NPFFR1: variants seen among roughly 807,000 people sequenced by gnomAD.
NPFFR1 encodes neuropeptide FF receptor 1, also known as G-protein coupled receptor 147.
NPFFR1 carries 17 observed loss-of-function variants against 12.7 expected under a neutral mutation model. The observed-to-expected ratio is 1.34, with a 90% CI of 0.92 to 2.01. The LOEUF is 2.01. NPFFR1 is among the 30% of genes most tolerant of loss of function. The pLI, the probability that NPFFR1 is intolerant of heterozygous loss-of-function variation, is 0.00. For synonymous variants in NPFFR1, 296 were observed against 264.5 expected, an observed-to-expected ratio of 1.12 and a Z score of -1.16; for missense variants, 604 against 606.5, an observed-to-expected ratio of 1.00 and a Z score of 0.04.
rs1840523651 is a variant in NPFFR1, at chr10:70,252,734, TG to T, written c.*2222del. On this transcript the variant is annotated 3_prime_UTR_variant, in exon 4 of 4. Coordinates refer to ENST00000277942, the MANE Select transcript of NPFFR1 (RefSeq NM_022146.5). The stretch of plus-strand genomic sequence containing the variant: ...TTCAGCGAGAGCTGAAGGAGTTTTT[TG>T]GGCAGTTATAACCTTTCAAAGCATG... 1 of 152,218 alleles carries T rather than the reference TG, an allele frequency of 6.6e-6. No individual in the cohort carries two copies. The highest frequency in any genetic ancestry group is 1.5e-5 in the Non-Finnish European group (1 of 68,036). 9.4% of individuals were successfully genotyped at this position (152,218 alleles called of 1,614,324 possible).
Position 70,255,799 on chromosome 10 carries a change from C to G in NPFFR1, c.451G>C (p.Glu151Gln). Residue 151 changes from glutamate (E) to glutamine (Q), a missense_variant, in exon 4 of 4, where the codon GAG becomes CAG. By Grantham distance (29) the Glu-to-Gln change is conservative (BLOSUM62 2). Coordinates refer to ENST00000277942, the MANE Select transcript of NPFFR1 (RefSeq NM_022146.5). The surrounding 1 kb of genome is among the most constrained non-coding windows in gnomAD (Gnocchi z 4.2). ...RFRCIVHPFR[E>Q]KLTLRKALVT... Reference sequence around the variant, plus strand: ...AGCGCCTTCCGCAGGGTCAGCTTCTCGCGGAAAGGGTGCACGATGCAGCGG... The same window carrying G: ...AGCGCCTTCCGCAGGGTCAGCTTCTGGCGGAAAGGGTGCACGATGCAGCGG... 6.2e-7 allele frequency: 1 copy of G among 1,610,252 alleles called. No individual in the cohort carries two copies. Among genetic ancestry groups the G allele is most frequent in the Non-Finnish European group, 8.5e-7 (1 of 1,178,454 alleles).
At chr10:70,269,932 A>G (rs992679388) in intron 1 of NPFFR1, among the ~76,000 whole-genome samples, 1 of 151,782 alleles carries the variant, frequency 6.6e-6, no homozygotes, top group South Asian at 2.1e-4. Context: ...CTCCTCACGC[A>G]CTCCTGCTTC....
At chr10:70,262,151 C>G (rs953925028) in intron 2 of NPFFR1, among the ~76,000 whole-genome samples, 6 of 152,168 alleles carry the variant, frequency 3.9e-5, no homozygotes, top group African/African-American at 9.7e-5. Context: ...TGATGCCTCT[C>G]TGAGTATATC....
chr10:70,278,416 T>C (rs1840826409), intron 1 of NPFFR1, among the ~76,000 whole-genome samples: 1 of 151,772 alleles, frequency 6.6e-6, no homozygotes. Flanking sequence ...TTCACTTACA[T>C]GTACCTTTCA....
rs1040771756 is a variant in NPFFR1, at chr10:70,255,492, C to T, written c.758G>A (p.Gly253Asp). The change falls in exon 4 of 4, where the codon GGC (glycine) becomes GAC (aspartate). Residue 253 changes from glycine to aspartate, a missense_variant. Physicochemically the swap from Gly to Asp is moderately conservative, Grantham distance 94. Transcript: ENST00000277942. This position sits in a 1 kb window ranked among gnomAD's most constrained non-coding sequence, Gnocchi z 4.2. ...TGCTCGCGGGTCCGCAGCCTCCTCGCCCCCGGGGGCCGGGCCCGGGGCCTG... is the reference window on the plus strand; with the variant it reads ...TGCTCGCGGGTCCGCAGCCTCCTCGTCCCCGGGGGCCGGGCCCGGGGCCTG... Reference protein sequence around the residue: ...LCQAPGPAPGGEEAADPRASR... With the variant: ...LCQAPGPAPGDEEAADPRASR... 22 of 1,547,466 alleles carry T rather than the reference C, an allele frequency of 1.4e-5. No individual in the cohort carries two copies. Among genetic ancestry groups the T allele is most frequent in the Non-Finnish European group, 1.7e-5 (19 of 1,145,342 alleles).
Position 70,248,103 on chromosome 10 carries a change from C to T in NPFFR1, c.*6854G>A, listed in dbSNP as rs1840467573. The T allele has an allele frequency of 6.6e-6, 1 of 152,126 alleles. No individual in the cohort carries two copies. Among genetic ancestry groups the T allele is most frequent in the Admixed American group, 6.6e-5 (1 of 15,262 alleles). 9.4% of individuals were successfully genotyped at this position (152,126 alleles called of 1,614,324 possible). ...TCTTTTACTCTGAACCTCAGTTTCC[C>T]AGATGTAGGAAGGAGAGACCACAGC... On this transcript the variant is annotated 3_prime_UTR_variant, in exon 4 of 4. Transcript: ENST00000277942.
intron 1 of NPFFR1, among the ~76,000 whole-genome samples, chr10:70,280,316 T>C (rs1334493080): frequency 2.0e-5 from 3 of 152,238 alleles, no homozygotes; most frequent in African/African-American, 7.2e-5. Flanking sequence ...TTCTCCATAA[T>C]GACTGTGCAA....
At chr10:70,280,875 G>A (rs1428733172) in intron 1 of NPFFR1, among the ~76,000 whole-genome samples, 1 of 152,138 alleles carries the variant, frequency 6.6e-6, no homozygotes, top group Non-Finnish European at 1.5e-5. Flanking sequence ...GATGGCACAT[G>A]CCTGTAATCC....
intron 2 of NPFFR1, among the ~76,000 whole-genome samples, chr10:70,260,982 T>A (rs1234390621): frequency 6.6e-6 from 1 of 152,104 alleles, no homozygotes; most frequent in Admixed American, 6.5e-5. Flanking sequence ...GACCCCCAAG[T>A]ATTCCAAAAT....
rs1840537738 is a variant in NPFFR1, at chr10:70,254,052, C to T, written c.*905G>A. ...TTGGGCAAGGCTTTGTACCTGCAGCCCCAGTGAGCAGATGTGTTTCCCAAT... is the reference window on the plus strand; with the variant it reads ...TTGGGCAAGGCTTTGTACCTGCAGCTCCAGTGAGCAGATGTGTTTCCCAAT... On this transcript the variant is annotated 3_prime_UTR_variant, in exon 4 of 4. Transcript: ENST00000277942. 1 of 152,102 alleles carries T rather than the reference C, an allele frequency of 6.6e-6. No homozygotes were observed. Among genetic ancestry groups the T allele is most frequent in the African/African-American group, 2.4e-5 (1 of 41,398 alleles). The allele number at this position is 152,102 out of a possible 1,614,324, so 9.4% of individuals were successfully genotyped here.
chr10:70,254,763 C>G lies in NPFFR1; in HGVS notation c.*194G>C. 1 of 563,456 alleles carries G rather than the reference C, an allele frequency of 1.8e-6. No homozygotes were observed. The highest frequency in any genetic ancestry group is 3.4e-5 in the East Asian group (1 of 29,022). 34.9% of individuals were successfully genotyped at this position (563,456 alleles called of 1,614,324 possible). On this transcript the variant is annotated 3_prime_UTR_variant, in exon 4 of 4. Coordinates refer to ENST00000277942, the MANE Select transcript of NPFFR1 (RefSeq NM_022146.5). ...ACCACACAGGGCAAGTTGGTTCCTT[C>G]CCGTCCCCCGCATTTGCCTCTACTG...
At chr10:70,263,333 G>A (rs544311620) in intron 2 of NPFFR1, among the ~76,000 whole-genome samples, 8 of 152,136 alleles carry the variant, frequency 5.3e-5, no homozygotes, top group Non-Finnish European at 1.2e-4. Flanking sequence ...GAGTGCAGTG[G>A]CGTGATCTCG....
Position 70,255,087 on chromosome 10 carries a change from C to T in NPFFR1, c.1163G>A (p.Gly388Asp). 5 of 1,465,770 alleles carry T rather than the reference C, an allele frequency of 3.4e-6. No individual in the cohort carries two copies. The highest frequency in any genetic ancestry group is 2.9e-5 in the African/African-American group (2 of 69,256). The allele number at this position is 1,465,770 out of a possible 1,614,324, so 90.8% of individuals were successfully genotyped here. Residue 388 changes from glycine to aspartate, a missense_variant, in exon 4 of 4, where the codon GGC (glycine) becomes GAC (aspartate). By Grantham distance (94) the Gly-to-Asp change is moderately conservative. Coordinates refer to ENST00000277942, the MANE Select transcript of NPFFR1 (RefSeq NM_022146.5). This position sits in a 1 kb window ranked among gnomAD's most constrained non-coding sequence, Gnocchi z 4.2. ...PSDSGLPSES[G>D]PSSGAPRPGR... ...GGGCCTGGGGGCCCCACTGCTAGGG[C>T]CCGACTCAGAGGGCAGCCCGGAGTC...
intron 1 of NPFFR1, among the ~76,000 whole-genome samples, chr10:70,282,163 C>T (rs1426317641): frequency 6.6e-6 from 1 of 152,158 alleles, no homozygotes; most frequent in Non-Finnish European, 1.5e-5. Flanking sequence ...TGAGTGAGCT[C>T]ATTGTAGGTA....
chr10:70,264,325 G>T (rs1840666035), intron 2 of NPFFR1, among the ~76,000 whole-genome samples: 1 of 127,684 alleles, frequency 7.8e-6, no homozygotes, highest in South Asian at 2.5e-4. Flanking sequence ...AGTGAGCCGA[G>T]ATCCCAGCAC....
intron 2 of NPFFR1, among the ~76,000 whole-genome samples, chr10:70,264,106 G>T (rs536371012): frequency 1.4e-5 from 2 of 147,498 alleles, no homozygotes; most frequent in Non-Finnish European, 3.0e-5. Flanking sequence ...CGGTGTGGTG[G>T]TTCATGCCTG....
At chr10:70,277,982 C>T (rs191042205) in intron 1 of NPFFR1, 1 of 519,870 alleles carries the variant, frequency 1.9e-6, no homozygotes, top group East Asian at 5.4e-5. Flanking sequence ...TGTTTTAATC[C>T]AGCCACCCAA....
At chr10:70,266,469 C>G (rs910019106) in intron 1 of NPFFR1, 78 bp from the exon 2 acceptor site, 4 of 1,194,310 alleles carry the variant, frequency 3.3e-6, no homozygotes, top group Non-Finnish European at 4.7e-6. Flanking sequence ...ATGAGACCCT[C>G]TGTGTGCCAA....
At chr10:70,266,455 A>C in intron 1 of NPFFR1, 64 bp from the exon 2 acceptor site, 1 of 1,304,148 alleles carries the variant, frequency 7.7e-7, no homozygotes, top group Non-Finnish European at 1.1e-6. Flanking sequence ...ATTTCTCACC[A>C]CTAATGAGAC....
Sources: gnomAD v4.1 joint callset for allele counts (sites outside exome capture counted in the v4.1 genomes callset) on GRCh38, gnomAD v4.1.1 for gene constraint, Gnocchi (gnomAD v3.1) non-coding constraint, MANE v1.5 for transcripts, NCBI Gene and HGNC (gene_info 2026-07-23, HGNC 2026-07-21) for gene names.